The following BCL7C variants were observed in gnomAD, a reference collection of about 807,000 sequenced individuals.
BCL7C encodes the protein BAF chromatin remodeling complex subunit BCL7C.
Under a neutral mutation model 26.2 loss-of-function variants are expected in BCL7C, and 8 were observed. That is an observed-to-expected ratio of 0.30 (90% CI 0.18 to 0.55). The LOEUF (loss-of-function observed/expected upper bound fraction) is 0.55. Ranked by LOEUF, BCL7C falls within the 20% of genes least tolerant of loss-of-function variation. The pLI, the probability that BCL7C is intolerant of heterozygous loss-of-function variation, is 0.93. For missense variants in BCL7C, 262 were observed against 298.5 expected (o/e 0.88, Z 0.90); for synonymous variants, 90 against 116.5 (o/e 0.77, Z 1.47).
rs2055304463 is a variant in BCL7C, at chr16:30,893,967, C to T, written c.-23G>A. ...CATGCTGGCGGGGCTGGGGCCGGGG[C>T]CGAGCCCGCGGCGGGGCCGCCTCCC... On this transcript the variant is annotated 5_prime_UTR_variant, in exon 1 of 6. Transcript: ENST00000215115. This position sits in a 1 kb window ranked among gnomAD's most constrained non-coding sequence, Gnocchi z 5.2. The T allele has an allele frequency of 7.6e-7, 1 of 1,317,328 alleles. No individual in the cohort carries two copies. Among genetic ancestry groups the T allele is most frequent in the East Asian group, 3.1e-5 (1 of 32,704 alleles). 81.6% of individuals were successfully genotyped at this position (1,317,328 alleles called of 1,614,324 possible).
chr16:30,850,328 G>A (rs2054665909), intron 5 of BCL7C, among the ~76,000 whole-genome samples: 2 of 151,926 alleles, frequency 1.3e-5, no homozygotes, highest in Non-Finnish European at 2.9e-5. Flanking sequence ...ACTTTTGCAT[G>A]GCATATCTTG....
chr16:30,878,529 ACT>A (rs2054989599), intron 5 of BCL7C, among the ~76,000 whole-genome samples: 1 of 142,482 alleles, frequency 7.0e-6, no homozygotes, highest in Admixed American at 7.2e-5. Context: ...ACAGAGCGAG[ACT>A]CTATTTCAAA....
chr16:30,844,308 C>T (rs751624045), intron 5 of BCL7C, among the ~76,000 whole-genome samples: 3 of 133,210 alleles, frequency 2.3e-5, no homozygotes, highest in Admixed American at 8.7e-5. Context: ...CCAGATGGCA[C>T]CAATGCACTC....
chr16:30,889,100 A>G (rs2055183423), intron 4 of BCL7C, 155 bp from the exon 5 acceptor site: 1 of 682,536 alleles, frequency 1.5e-6, no homozygotes, highest in South Asian at 1.8e-5. Context: ...TGCCCCAGGA[A>G]GCAGAGGAGG....
At chr16:30,888,984 C>G in intron 4 of BCL7C, 39 bp from the exon 5 acceptor site, 1 of 1,592,478 alleles carries the variant, frequency 6.3e-7, no homozygotes, top group Non-Finnish European at 8.6e-7. Context: ...TGAACAGCCA[C>G]TCTGTGCCAG....
intron 5 of BCL7C, among the ~76,000 whole-genome samples, chr16:30,838,604 G>A (rs536990801): frequency 6.6e-6 from 1 of 152,300 alleles, no homozygotes; most frequent in East Asian, 1.9e-4. Context: ...CCAACATGGC[G>A]ATACCCTGTC....
At chr16:30,849,858 T>C (rs886428586) in intron 5 of BCL7C, among the ~76,000 whole-genome samples, 1 of 151,902 alleles carries the variant, frequency 6.6e-6, no homozygotes, top group Admixed American at 6.6e-5. Context: ...CTAGCTAACT[T>C]TTGTATTTTT....
intron 5 of BCL7C, 74 bp from the exon 6 acceptor site, chr16:30,888,064 A>G (rs75365974): frequency 6.7e-7 from 1 of 1,488,636 alleles, no homozygotes; most frequent in African/African-American, 1.5e-5. Flanking sequence ...TGCCTTCTCC[A>G]AAGCCTCCAC....
At chr16:30,879,862 C>A (rs1046603029) in intron 5 of BCL7C, among the ~76,000 whole-genome samples, 1 of 151,560 alleles carries the variant, frequency 6.6e-6, no homozygotes, top group Non-Finnish European at 1.5e-5. Context: ...TGGTGGCAGG[C>A]ACCTGTAGTC....
At chr16:30,874,950 G>A (rs943533385) in intron 5 of BCL7C, among the ~76,000 whole-genome samples, 1 of 152,200 alleles carries the variant, frequency 6.6e-6, no homozygotes, top group African/African-American at 2.4e-5. Context: ...ACTGGAGACC[G>A]GGAATGGCTC....
intron 5 of BCL7C, among the ~76,000 whole-genome samples, chr16:30,867,559 G>A (rs547448036): frequency 2.2e-4 from 33 of 152,170 alleles, no homozygotes; most frequent in Middle Eastern, 3.4e-3. Flanking sequence ...TTGGAAGGCC[G>A]AGGCAGGCAG....
intron 5 of BCL7C, chr16:30,875,467 C>G (rs1003029117): frequency 3.3e-5 from 5 of 152,316 alleles, no homozygotes; most frequent in Admixed American, 6.5e-5. Context: ...CGGCCTTTGT[C>G]TCCGCGGAGC....
At chr16:30,865,890 ATTT>A (rs4046092) in intron 5 of BCL7C, among the ~76,000 whole-genome samples, 5 of 137,112 alleles carry the variant, frequency 3.6e-5, no homozygotes, top group Admixed American at 1.5e-4. Flanking sequence ...CAGTGCCCTA[ATTT>A]TTTTTTTTTT....
intron 5 of BCL7C, among the ~76,000 whole-genome samples, chr16:30,882,070 C>T (rs2143099171): frequency 6.6e-6 from 1 of 152,056 alleles, no homozygotes; most frequent in South Asian, 2.1e-4. Context: ...AAGTGAATCT[C>T]CCATCTCAGC....
chr16:30,886,649 CAAG>C (rs1280224539), downstream of BCL7C, among the ~76,000 whole-genome samples: 4 of 152,062 alleles, frequency 2.6e-5, no homozygotes, highest in Non-Finnish European at 4.4e-5. Flanking sequence ...AATGATGAAA[CAAG>C]GAGAATGAAG....
intron 5 of BCL7C, among the ~76,000 whole-genome samples, chr16:30,849,477 A>G (rs1367877144): frequency 6.6e-6 from 1 of 151,828 alleles, no homozygotes; most frequent in Non-Finnish European, 1.5e-5. Flanking sequence ...TTTGAGACTG[A>G]GTTTAGCTCT....
chr16:30,834,400 G>A lies in BCL7C; in HGVS notation c.*548C>T, dbSNP rs1374031145. On this transcript the variant is annotated 3_prime_UTR_variant, in exon 6 of 6. Transcript: ENST00000380317. The surrounding 1 kb of genome is among the most constrained non-coding windows in gnomAD (Gnocchi z 4.3). ...AGCCCTGGCGTGCGGGGCGGCTTCT[G>A]CGCTGGGGTCTCTGCGCGTGCACGG... is the stretch of plus-strand genomic sequence containing the variant. 1 of 152,342 alleles carries A rather than the reference G, an allele frequency of 6.6e-6. No homozygotes were observed. Among genetic ancestry groups the A allele is most frequent in the Non-Finnish European group, 1.5e-5 (1 of 68,110 alleles). The allele number at this position is 152,342 out of a possible 1,614,324, so 9.4% of individuals were successfully genotyped here. A position where few individuals can be genotyped will look rare whatever the true frequency, so the allele number is the denominator to read the frequency against.
rs1596623483 is a variant in BCL7C at position 30,888,963 on chromosome 16, C to A, written c.443-18G>T. The A allele has an allele frequency of 1.2e-6, 2 of 1,612,454 alleles. No homozygotes were observed. Among genetic ancestry groups the A allele is most frequent in the Admixed American group, 3.3e-5 (2 of 59,964 alleles). ...CCCGGGATCTGGAACGTCAAGGTAA[C>A]AAACATCCCCTGAACAGCCACTCTG... On this transcript the variant is annotated intron_variant, in intron 4 of 5. Transcript: ENST00000215115.
chr16:30,867,949 C>T (rs1000355640), intron 5 of BCL7C, among the ~76,000 whole-genome samples: 1 of 151,800 alleles, frequency 6.6e-6, no homozygotes, highest in African/African-American at 2.4e-5. Flanking sequence ...ACAGACTGTC[C>T]CCTAGAGCCT....
Sources: gnomAD v4.1 joint callset for allele counts (sites outside exome capture counted in the v4.1 genomes callset) on GRCh38, gnomAD v4.1.1 for gene constraint, Gnocchi (gnomAD v3.1) non-coding constraint, MANE v1.5 for transcripts, NCBI Gene and HGNC (gene_info 2026-07-23, HGNC 2026-07-21) for gene names.